Variants in EEPD1 observed in about 807,000 individuals in gnomAD.
The protein encoded by EEPD1 is endonuclease/exonuclease/phosphatase family domain containing 1.
In EEPD1, 17 loss-of-function variants were observed where a neutral mutation model predicts 46.3. That is an observed-to-expected ratio of 0.37 (90% CI 0.25 to 0.55). The LOEUF (loss-of-function observed/expected upper bound fraction) is 0.55, where lower values mean the gene tolerates loss of function less well. Among genes scored for constraint, EEPD1 ranks in the 20% least tolerant of loss-of-function variants. The probability of loss-of-function intolerance (pLI) is 0.83; values close to 1 mark genes in which losing one functional copy is unlikely to be tolerated. For missense variants in EEPD1, 673 were observed against 745.6 expected (o/e 0.90, Z 1.13); for synonymous variants, 313 against 315.6 (o/e 0.99, Z 0.09).
In EEPD1 at chr7:36,244,767, AT is replaced by A. The variant is rs140539379; in HGVS notation, c.930+5753del. ...ACCTGGGCTTCATTTTTCAGAGTTG[AT>A]TTTTTTTTTTTTTTTTTTTTTGGAG... On this transcript the variant is annotated intron_variant, in intron 3 of 7. Transcript: ENST00000242108. Among the ~76,000 whole-genome samples the A allele has an allele frequency of 2.6e-3, 281 of 108,402 alleles. 1 individual carries two copies. The highest frequency in any genetic ancestry group is 6.9e-3 in the African/African-American group (197 of 28,550). 71.1% of individuals were successfully genotyped at this position (108,402 alleles called of 152,430 possible).
intron 3 of EEPD1, among the ~76,000 whole-genome samples, chr7:36,264,971 G>A (rs1266008392): frequency 6.6e-6 from 1 of 151,068 alleles, no homozygotes; most frequent in Non-Finnish European, 1.5e-5. Flanking sequence ...GAAACATGCA[G>A]CCTTTAAAGA....
rs1199351804 is a variant in EEPD1, at chr7:36,155,165, G to A, written c.841G>A (p.Val281Met). Residue 281 changes from valine (V) to methionine (M), a missense_variant, in exon 2 of 8, where the codon GTG (valine) becomes ATG (methionine). Transcript: ENST00000242108. Reference protein sequence around the residue: ...CSVEKANNPGVREVVCMTLLE... With the variant: ...CSVEKANNPGMREVVCMTLLE... Reference sequence around the variant, plus strand: ...CGTGGAGAAGGCCAACAACCCCGGGGTGCGAGAGGTGGTGTGCATGACACT... The same window carrying A: ...CGTGGAGAAGGCCAACAACCCCGGGATGCGAGAGGTGGTGTGCATGACACT... The A allele has an allele frequency of 2.0e-6, 3 of 1,521,332 alleles. No homozygotes were observed. The highest frequency in any genetic ancestry group is 2.6e-5 in the South Asian group (2 of 75,606). The allele number at this position is 1,521,332 out of a possible 1,614,324, so 94.2% of individuals were successfully genotyped here. A position where few individuals can be genotyped will look rare whatever the true frequency, so the allele number is the denominator to read the frequency against.
At chr7:36,296,648 G>A (rs2115904058) in intron 6 of EEPD1, among the ~76,000 whole-genome samples, 1 of 144,900 alleles carries the variant, frequency 6.9e-6, no homozygotes, top group Non-Finnish European at 1.5e-5. Flanking sequence ...TAAGTGCCCA[G>A]TAGTATGTTG....
chr7:36,280,817 C>CT (rs1413522112), intron 3 of EEPD1, among the ~76,000 whole-genome samples: 1 of 152,290 alleles, frequency 6.6e-6, no homozygotes, highest in Admixed American at 6.5e-5. Flanking sequence ...ATTCTGATGA[C>CT]TTTTTTTGAA....
intron 2 of EEPD1, among the ~76,000 whole-genome samples, chr7:36,157,900 C>T (rs1459852534): frequency 6.6e-6 from 1 of 152,176 alleles, no homozygotes; most frequent in Non-Finnish European, 1.5e-5. Context: ...ACAGAAATCT[C>T]TCCCCTTCCA....
intron 3 of EEPD1, among the ~76,000 whole-genome samples, chr7:36,254,345 T>G (rs1417978911): frequency 6.6e-6 from 1 of 152,214 alleles, no homozygotes; most frequent in Non-Finnish European, 1.5e-5. Flanking sequence ...GTTCTCATTC[T>G]TCAACTCCCA....
At position 36,299,198 on chromosome 7, in the gene EEPD1, G is replaced by A. The variant is rs759289879; in HGVS notation, c.1702G>A (p.Glu568Lys). ...GCGAAGTGAAGCCAACATCAAGCAC[G>A]AGCGATGATGACACCAAATCCATGT... is the stretch of plus-strand genomic sequence containing the variant. ...LERSEANIKH[E>K]R is the part of the protein sequence containing the mutation. Residue 568 changes from glutamate (E) to lysine (K), a missense_variant, in exon 8 of 8, where the codon GAG becomes AAG. Glu to Lys is a moderately conservative substitution (Grantham distance 56, BLOSUM62 1). Coordinates refer to ENST00000242108, the MANE Select transcript of EEPD1 (RefSeq NM_030636.3). The A allele has an allele frequency of 1.5e-5, 25 of 1,613,808 alleles. No homozygotes were observed. Among genetic ancestry groups the A allele is most frequent in the South Asian group, 6.6e-5 (6 of 91,040 alleles).
chr7:36,200,714 T>C (rs1734112169), intron 2 of EEPD1, among the ~76,000 whole-genome samples: 1 of 152,174 alleles, frequency 6.6e-6, no homozygotes, highest in South Asian at 2.1e-4. Flanking sequence ...ATTACATTTC[T>C]CAGACTGGAT....
intron 2 of EEPD1, among the ~76,000 whole-genome samples, chr7:36,217,414 G>A (rs1027255631): frequency 5.9e-5 from 9 of 152,298 alleles, no homozygotes; most frequent in African/African-American, 1.9e-4. Context: ...AGGATGACCC[G>A]CGGTCACTTT....
At chr7:36,200,275 G>A (rs574002555) in intron 2 of EEPD1, among the ~76,000 whole-genome samples, 9 of 152,200 alleles carry the variant, frequency 5.9e-5, no homozygotes, top group Admixed American at 2.0e-4. Context: ...GATGATGGCC[G>A]CCAGTTCCGT....
intron 2 of EEPD1, among the ~76,000 whole-genome samples, chr7:36,188,365 A>G (rs1405103692): frequency 6.6e-6 from 1 of 152,222 alleles, no homozygotes; most frequent in Non-Finnish European, 1.5e-5. Flanking sequence ...CACTGACATC[A>G]GTAAGATATA....
intron 2 of EEPD1, among the ~76,000 whole-genome samples, chr7:36,177,205 T>C (rs570943338): frequency 1.1e-3 from 163 of 152,160 alleles, no homozygotes; most frequent in African/African-American, 3.4e-3. Flanking sequence ...AACAGAGTTA[T>C]TGCTGTGTGC....
intron 2 of EEPD1, among the ~76,000 whole-genome samples, chr7:36,216,753 G>A (rs981633918): frequency 3.9e-5 from 6 of 152,098 alleles, no homozygotes; most frequent in African/African-American, 1.2e-4. Flanking sequence ...AATGACATGA[G>A]GTCATATGAC....
chr7:36,271,527 T>A (rs1157559270), intron 3 of EEPD1, among the ~76,000 whole-genome samples: 1 of 152,114 alleles, frequency 6.6e-6, no homozygotes. Context: ...GTCGGACTGA[T>A]AGATTGCAAA....
intron 2 of EEPD1, among the ~76,000 whole-genome samples, chr7:36,200,793 C>T (rs931964150): frequency 2.0e-5 from 3 of 152,204 alleles, no homozygotes; most frequent in African/African-American, 7.2e-5. Flanking sequence ...ATCTCCTGTC[C>T]CTGCTCATTG....
intron 2 of EEPD1, among the ~76,000 whole-genome samples, chr7:36,159,601 C>T (rs749770734): frequency 2.0e-5 from 3 of 152,238 alleles, no homozygotes; most frequent in Non-Finnish European, 2.9e-5. Flanking sequence ...TTCCCAAACT[C>T]CATGCCCTTC....
intron 2 of EEPD1, among the ~76,000 whole-genome samples, chr7:36,208,622 G>A (rs1166258961): frequency 6.6e-6 from 1 of 152,188 alleles, no homozygotes; most frequent in Non-Finnish European, 1.5e-5. Flanking sequence ...GAAACAGGAA[G>A]GCAGATGGGC....
intron 3 of EEPD1, among the ~76,000 whole-genome samples, chr7:36,263,335 G>GA (rs1786961219): frequency 6.6e-6 from 1 of 152,018 alleles, no homozygotes; most frequent in African/African-American, 2.4e-5. Flanking sequence ...TGTCTCAAGG[G>GA]AGGGGGGGGA....
intron 2 of EEPD1, among the ~76,000 whole-genome samples, chr7:36,173,046 C>T (rs1785116730): frequency 6.6e-6 from 1 of 152,130 alleles, no homozygotes; most frequent in Non-Finnish European, 1.5e-5. Flanking sequence ...GGAAAAAACA[C>T]TACACATTCA....
Sources: gnomAD v4.1 joint callset for allele counts (sites outside exome capture counted in the v4.1 genomes callset) on GRCh38, gnomAD v4.1.1 for gene constraint, MANE v1.5 for transcripts, NCBI Gene and HGNC (gene_info 2026-07-23, HGNC 2026-07-21) for gene names.